SEPTIN11: variants seen among roughly 807,000 people sequenced by gnomAD.
SEPTIN11 encodes the protein septin 11.
A neutral mutation model predicts 51.4 loss-of-function variants in SEPTIN11; 25 were observed. That is an observed-to-expected ratio of 0.49 (90% CI 0.35 to 0.68). SEPTIN11 has a LOEUF of 0.68. Ranked by LOEUF, SEPTIN11 falls within the 30% of genes least tolerant of loss-of-function variation. The pLI, the probability that SEPTIN11 is intolerant of heterozygous loss-of-function variation, is 0.00. For synonymous variants in SEPTIN11, 174 were observed against 184.1 expected (o/e 0.95, Z 0.44); for missense variants, 381 against 520.8 (o/e 0.73, Z 2.61).
At chr4:77,001,022 C>T (rs763332758) in intron 2 of SEPTIN11, among the ~76,000 whole-genome samples, 2 of 152,120 alleles carry the variant, frequency 1.3e-5, no homozygotes, top group South Asian at 2.1e-4. Context: ...TTCAATCTAC[C>T]GTTACCTTCT....
intron 4 of SEPTIN11, among the ~76,000 whole-genome samples, chr4:77,013,000 G>A (rs1370496358): frequency 6.6e-6 from 1 of 152,202 alleles, no homozygotes; most frequent in Non-Finnish European, 1.5e-5. Flanking sequence ...GAGATCACGG[G>A]CAGTGAGGGC....
At chr4:77,038,620 T>A, downstream of SEPTIN11, 1 of 995,496 alleles carries the variant, frequency 1.0e-6, no homozygotes, top group Non-Finnish European at 1.2e-6. Context: ...ACATTATTTG[T>A]GTGCCCTTTT....
chr4:77,018,585 T>TA (rs1432320484), intron 5 of SEPTIN11, among the ~76,000 whole-genome samples: 7 of 152,218 alleles, frequency 4.6e-5, no homozygotes, highest in Non-Finnish European at 1.0e-4. Context: ...AATTCACAGC[T>TA]AAAAAGTTAA....
At chr4:77,018,366 G>T (rs761916201) in intron 5 of SEPTIN11, among the ~76,000 whole-genome samples, 1 of 151,748 alleles carries the variant, frequency 6.6e-6, no homozygotes, top group Non-Finnish European at 1.5e-5. Context: ...GGAGAATGGC[G>T]TGAACCCGGA....
chr4:76,969,497 A>T (rs1403656848), intron 1 of SEPTIN11, among the ~76,000 whole-genome samples: 1 of 152,202 alleles, frequency 6.6e-6, no homozygotes, highest in Non-Finnish European at 1.5e-5. Flanking sequence ...ATTTGAGAAA[A>T]TGTTGGGAAC....
chr4:77,014,747 T>C, intron 4 of SEPTIN11, 109 bp from the exon 5 acceptor site: 1 of 1,067,206 alleles, frequency 9.4e-7, no homozygotes, highest in Non-Finnish European at 1.4e-6. Flanking sequence ...GAAACATCTT[T>C]ATTTTTTACA....
Position 77,035,517 on chromosome 4 carries a change from T to C in SEPTIN11, c.*1005T>C, listed in dbSNP as rs1726965781. 3 of 985,304 alleles carry C rather than the reference T, an allele frequency of 3.0e-6. No individual in the cohort carries two copies. Among genetic ancestry groups the C allele is most frequent in the South Asian group, 4.7e-5 (1 of 21,294 alleles). 61.0% of individuals were successfully genotyped at this position (985,304 alleles called of 1,614,324 possible). On this transcript the variant is annotated 3_prime_UTR_variant, in exon 10 of 10. Transcript: ENST00000264893. Reference sequence around the variant, plus strand: ...ACTCTGTATCATTGGTAGCACAAATTTGAGCGAGGCCTTGTCAATTTTAAG... The same window carrying C: ...ACTCTGTATCATTGGTAGCACAAATCTGAGCGAGGCCTTGTCAATTTTAAG...
chr4:77,028,600 G>A, intron 7 of SEPTIN11, 29 bp from the exon 8 acceptor site: 1 of 1,566,476 alleles, frequency 6.4e-7, no homozygotes, highest in South Asian at 1.2e-5. Flanking sequence ...ATTTCATGAT[G>A]CTGTCCTTCG....
chr4:76,954,219 CTG>C (rs1044899246), intron 1 of SEPTIN11, among the ~76,000 whole-genome samples: 5 of 152,228 alleles, frequency 3.3e-5, no homozygotes, highest in African/African-American at 4.8e-5. Flanking sequence ...CGGATTTAGA[CTG>C]TGGCGCAGCC....
At chr4:77,002,631 T>G (rs1478678398) in intron 2 of SEPTIN11, among the ~76,000 whole-genome samples, 1 of 152,236 alleles carries the variant, frequency 6.6e-6, no homozygotes, top group Non-Finnish European at 1.5e-5. Flanking sequence ...GAACTCTGTT[T>G]TATTTCTGTA....
chr4:77,004,265 CACTT>C (rs1040954278), intron 2 of SEPTIN11, among the ~76,000 whole-genome samples: 14 of 152,164 alleles, frequency 9.2e-5, no homozygotes, highest in African/African-American at 3.1e-4. Flanking sequence ...TCTCAGTAAA[CACTT>C]ACTGAGTTGA....
In SEPTIN11 at chr4:77,035,868, G is replaced by GT. The variant is rs1390711524; in HGVS notation, c.*1362dup. ...TGCTTATCCTTTCATCTGTGTGATTGTTTTTTCCCCTCTACTAACAAGATC... is the reference window on the plus strand; with the variant it reads ...TGCTTATCCTTTCATCTGTGTGATTGTTTTTTTCCCCTCTACTAACAAGATC... On this transcript the variant is annotated 3_prime_UTR_variant, in exon 10 of 10. Transcript: ENST00000264893. The GT allele has an allele frequency of 6.1e-6, 6 of 985,706 alleles. No homozygotes were observed. Among genetic ancestry groups the GT allele is most frequent in the Non-Finnish European group, 7.2e-6 (6 of 829,946 alleles). 61.1% of individuals were successfully genotyped at this position (985,706 alleles called of 1,614,324 possible).
chr4:77,022,132 C>T (rs913081274), intron 7 of SEPTIN11, among the ~76,000 whole-genome samples: 1 of 152,204 alleles, frequency 6.6e-6, no homozygotes, highest in Non-Finnish European at 1.5e-5. Context: ...TTTATGGTTA[C>T]TAAACCTGAT....
chr4:77,025,289 C>T (rs1275024158), intron 7 of SEPTIN11, among the ~76,000 whole-genome samples: 3 of 152,136 alleles, frequency 2.0e-5, no homozygotes, highest in Non-Finnish European at 1.5e-5. Flanking sequence ...GAAATCCCAG[C>T]ACTCCGGGAG....
intron 1 of SEPTIN11, among the ~76,000 whole-genome samples, chr4:76,950,271 A>T (rs1279119701): frequency 6.6e-6 from 1 of 152,076 alleles, no homozygotes; most frequent in African/African-American, 2.4e-5. Flanking sequence ...CGTGACAGCC[A>T]GAAGGGCGCC....
At chr4:76,997,347 T>A (rs1388656689) in intron 2 of SEPTIN11, among the ~76,000 whole-genome samples, 1 of 152,224 alleles carries the variant, frequency 6.6e-6, no homozygotes, top group African/African-American at 2.4e-5. Flanking sequence ...CTTGGCAGAA[T>A]GTGTCAGACT....
At chr4:76,953,411 A>G (rs1560689204) in intron 1 of SEPTIN11, among the ~76,000 whole-genome samples, 2 of 152,250 alleles carry the variant, frequency 1.3e-5, no homozygotes, top group South Asian at 2.1e-4. Context: ...GTGAAGGATC[A>G]TATCTGTCTG....
chr4:76,998,002 G>A (rs1723848109), intron 2 of SEPTIN11, among the ~76,000 whole-genome samples: 1 of 152,036 alleles, frequency 6.6e-6, no homozygotes, highest in South Asian at 2.1e-4. Context: ...GTTTAACTGG[G>A]TATGTGGTGT....
intron 7 of SEPTIN11, among the ~76,000 whole-genome samples, chr4:77,028,202 C>T (rs1225175658): frequency 2.6e-5 from 4 of 152,172 alleles, no homozygotes; most frequent in African/African-American, 9.7e-5. Flanking sequence ...CTGAGGGAGG[C>T]TGTGCTTTTC....
Sources: gnomAD v4.1 joint callset for allele counts (sites outside exome capture counted in the v4.1 genomes callset) on GRCh38, gnomAD v4.1.1 for gene constraint, MANE v1.5 for transcripts, NCBI Gene and HGNC (gene_info 2026-07-23, HGNC 2026-07-21) for gene names.